The following TACR1 variants were observed in gnomAD, a reference collection of about 807,000 sequenced individuals.
The protein encoded by TACR1 is substance-P receptor.
A neutral mutation model predicts 35.8 loss-of-function variants in TACR1; 25 were observed. The ratio of observed to expected loss-of-function variants is 0.70; its 90% CI spans 0.51 to 0.98. The LOEUF is 0.98. Ranked by LOEUF, TACR1 falls within the 50% of genes least tolerant of loss-of-function variation. The pLI is 0.00. For synonymous variants in TACR1, 195 were observed against 206.7 expected, an observed-to-expected ratio of 0.94 and a Z score of 0.48; for missense variants, 478 against 522.9, an observed-to-expected ratio of 0.91 and a Z score of 0.84.
rs190381532 is a variant in TACR1, at chr2:75,112,512, G to T, written c.584+8062C>A. Among the ~76,000 whole-genome samples the T allele has an allele frequency of 4.1e-4, 63 of 152,160 alleles. 1 individual carries two copies. The highest frequency in any genetic ancestry group is 2.6e-3 in the Admixed American group (39 of 15,276). On this transcript the variant is annotated intron_variant, in intron 2 of 4. Transcript: ENST00000305249. The stretch of plus-strand genomic sequence containing the variant: ...TGTGTTTTGAATCATGTGGAATGTA[G>T]TTCTCAAATATTTTCTTATGCCGTC...
chr2:75,131,677 A>C (rs1674181798), intron 1 of TACR1, among the ~76,000 whole-genome samples: 3 of 152,238 alleles, frequency 2.0e-5, no homozygotes, highest in Non-Finnish European at 4.4e-5. Context: ...GCAGTAGTTG[A>C]AATTTATAAA....
intron 1 of TACR1, among the ~76,000 whole-genome samples, chr2:75,162,198 A>ATTGCTCT (rs1675026960): frequency 6.6e-6 from 1 of 152,170 alleles, no homozygotes; most frequent in Non-Finnish European, 1.5e-5. Context: ...ATAAAATGTT[A>ATTGCTCT]TTGCTCTGTG....
chr2:75,052,777 G>C (rs1371674178), intron 3 of TACR1, among the ~76,000 whole-genome samples: 1 of 152,052 alleles, frequency 6.6e-6, no homozygotes, highest in Non-Finnish European at 1.5e-5. Flanking sequence ...GTGTGCGTGT[G>C]TGTGTGCAAG....
At chr2:75,065,145 C>T (rs939891554) in intron 2 of TACR1, among the ~76,000 whole-genome samples, 1 of 152,188 alleles carries the variant, frequency 6.6e-6, no homozygotes, top group African/African-American at 2.4e-5. Context: ...AATCTGCAGC[C>T]GGCACCTGGA....
At chr2:75,088,164 T>C (rs978472634) in intron 2 of TACR1, among the ~76,000 whole-genome samples, 8 of 152,160 alleles carry the variant, frequency 5.3e-5, no homozygotes, top group African/African-American at 1.9e-4. Flanking sequence ...CCTGACCTGC[T>C]CCTGCTCCTT....
intron 2 of TACR1, among the ~76,000 whole-genome samples, chr2:75,063,805 G>A (rs903396421): frequency 4.6e-5 from 7 of 152,298 alleles, no homozygotes; most frequent in East Asian, 1.9e-4. Context: ...GACTTTAATC[G>A]TTGAACAAAT....
chr2:75,061,453 C>T (rs941691391), intron 2 of TACR1, among the ~76,000 whole-genome samples: 5 of 152,044 alleles, frequency 3.3e-5, no homozygotes, highest in Non-Finnish European at 5.9e-5. Context: ...AGAGAGCAGT[C>T]GTTAAATGGG....
chr2:75,085,181 G>T (rs1375328925), intron 2 of TACR1, among the ~76,000 whole-genome samples: 2 of 151,894 alleles, frequency 1.3e-5, no homozygotes, highest in Non-Finnish European at 2.9e-5. Context: ...CATCACCTTG[G>T]GCAGTTGCTG....
chr2:75,110,335 T>C (rs574301507), intron 2 of TACR1, among the ~76,000 whole-genome samples: 1 of 152,164 alleles, frequency 6.6e-6, no homozygotes, highest in South Asian at 2.1e-4. Flanking sequence ...AGTAGATGTC[T>C]TAAAAATTTC....
intron 1 of TACR1, among the ~76,000 whole-genome samples, chr2:75,154,836 A>C (rs1674806292): frequency 6.6e-6 from 1 of 151,770 alleles, no homozygotes; most frequent in Non-Finnish European, 1.5e-5. Flanking sequence ...AGCTCCTGGT[A>C]CTCCCTTATC....
intron 2 of TACR1, among the ~76,000 whole-genome samples, chr2:75,066,499 T>C (rs896920893): frequency 9.2e-5 from 14 of 152,062 alleles, no homozygotes; most frequent in Non-Finnish European, 1.9e-4. Flanking sequence ...TATTGAAAAA[T>C]TGTGTAGCTT....
At chr2:75,113,688 C>T (rs1443149779) in intron 2 of TACR1, among the ~76,000 whole-genome samples, 1 of 152,044 alleles carries the variant, frequency 6.6e-6, no homozygotes, top group Non-Finnish European at 1.5e-5. Flanking sequence ...AGCGATAATA[C>T]TAGGGGCTCT....
At chr2:75,083,275 A>G (rs992770642) in intron 2 of TACR1, among the ~76,000 whole-genome samples, 147 of 152,130 alleles carry the variant, frequency 9.7e-4, no homozygotes, top group Non-Finnish European at 1.7e-3. Context: ...GTTCTGTTCC[A>G]TTGATCTATA....
chr2:75,148,563 G>T (rs1255388269), intron 1 of TACR1, among the ~76,000 whole-genome samples: 2 of 152,130 alleles, frequency 1.3e-5, no homozygotes, highest in African/African-American at 2.4e-5. Flanking sequence ...CTTTTTGATG[G>T]AGTTGCTTGT....
chr2:75,147,752 T>A (rs1288593970), intron 1 of TACR1, among the ~76,000 whole-genome samples: 2 of 151,646 alleles, frequency 1.3e-5, no homozygotes, highest in Non-Finnish European at 2.9e-5. Flanking sequence ...ATTCCTTTTT[T>A]TTTTTTTCTG....
At position 75,089,506 on chromosome 2, in the gene TACR1, C is replaced by G. The variant is rs111695084; in HGVS notation, c.584+31068G>C. Reference sequence around the variant, plus strand: ...AAGAGCACCCTTTCGGGAGTCATCACTCTTGCTTGAAAGTATCTGATGACT... The same window carrying G: ...AAGAGCACCCTTTCGGGAGTCATCAGTCTTGCTTGAAAGTATCTGATGACT... On this transcript the variant is annotated intron_variant, in intron 2 of 4. Transcript: ENST00000305249. Among the ~76,000 whole-genome samples, 281 of 152,302 alleles carry G rather than the reference C, an allele frequency of 1.8e-3. 1 individual carries two copies. Among genetic ancestry groups the G allele is most frequent in the African/African-American group, 6.7e-3 (277 of 41,564 alleles).
At chr2:75,176,850 G>C (rs1484281991) in intron 1 of TACR1, among the ~76,000 whole-genome samples, 3 of 152,144 alleles carry the variant, frequency 2.0e-5, no homozygotes. Context: ...GCTTCTCAGT[G>C]AACAGTGACT....
chr2:75,081,210 A>G (rs1283207618), intron 2 of TACR1, among the ~76,000 whole-genome samples: 1 of 152,224 alleles, frequency 6.6e-6, no homozygotes, highest in Non-Finnish European at 1.5e-5. Context: ...AAACAAAACA[A>G]GACTGTATAA....
intron 1 of TACR1, among the ~76,000 whole-genome samples, chr2:75,162,587 G>C (rs543337759): frequency 1.3e-5 from 2 of 152,210 alleles, no homozygotes; most frequent in Non-Finnish European, 2.9e-5. Context: ...AGATCTATTT[G>C]AGTTCTGTTT....
Sources: allele counts gnomAD v4.1 joint callset (sites outside exome capture counted in the v4.1 genomes callset), GRCh38; gene constraint gnomAD v4.1.1; transcripts MANE v1.5; gene names NCBI Gene and HGNC (gene_info 2026-07-23, HGNC 2026-07-21).